NFYC: variants seen among roughly 807,000 people sequenced by gnomAD.
NFYC encodes the protein nuclear transcription factor Y subunit gamma, also known as CAAT box DNA-binding protein subunit C.
In NFYC, 25 loss-of-function variants were observed where a neutral mutation model predicts 53.1. That is an observed-to-expected ratio of 0.47 (90% CI 0.34 to 0.66). The LOEUF (loss-of-function observed/expected upper bound fraction) is 0.66, where lower values mean the gene tolerates loss of function less well. Ranked by LOEUF, NFYC falls within the 30% of genes least tolerant of loss-of-function variation. The probability of loss-of-function intolerance (pLI) is 0.01; values close to 1 mark genes in which losing one functional copy is unlikely to be tolerated. For synonymous variants in NFYC, 145 were observed against 152.6 expected, an observed-to-expected ratio of 0.95 and a Z score of 0.37; for missense variants, 260 against 422.7, an observed-to-expected ratio of 0.62 and a Z score of 3.38.
At chr1:40,703,410 T>G (rs2148425307) in intron 1 of NFYC, among the ~76,000 whole-genome samples, 1 of 145,486 alleles carries the variant, frequency 6.9e-6, no homozygotes, top group Non-Finnish European at 1.5e-5. Flanking sequence ...GAGGATCACT[T>G]GAGCCCAGGA....
chr1:40,766,726 G>C, intron 8 of NFYC, 23 bp downstream of exon 8: 1 of 1,602,338 alleles, frequency 6.2e-7, no homozygotes, highest in East Asian at 2.2e-5. Flanking sequence ...GAGACACAAG[G>C]CCTGTGTTGG....
chr1:40,737,333 C>CT (rs112649877), intron 1 of NFYC, among the ~76,000 whole-genome samples: 82,453 of 142,502 alleles, frequency 0.58, 23,813 homozygotes, highest in Non-Finnish European at 0.62. Context: ...TTTAATTCTA[C>CT]TTTTTTTTTT....
chr1:40,733,449 C>G (rs948548492), intron 1 of NFYC, among the ~76,000 whole-genome samples: 2 of 150,908 alleles, frequency 1.3e-5, no homozygotes, highest in African/African-American at 4.9e-5. Context: ...CACACCATTG[C>G]ACTCCAGCCT....
rs1365675749 is a variant in NFYC at position 40,769,394 on chromosome 1, C to T, written c.867C>T (p.Phe289=). 6.2e-7 allele frequency: 1 copy of T among 1,614,044 alleles called. No individual in the cohort carries two copies. Among genetic ancestry groups the T allele is most frequent in the African/African-American group, 1.3e-5 (1 of 75,042 alleles). ...QTEVQQGQQQ[F]SQFTDGQQLY... Reference sequence around the variant, plus strand: ...AGGTCCAGCAAGGACAGCAGCAGTTCAGCCAGTTCACAGATGGACAGGTAG... The same window carrying T: ...AGGTCCAGCAAGGACAGCAGCAGTTTAGCCAGTTCACAGATGGACAGGTAG... The change falls in exon 9 of 10, where the codon TTC becomes TTT. Residue 289 remains phenylalanine (F), a synonymous_variant. Coordinates refer to ENST00000447388, the MANE Select transcript of NFYC (RefSeq NM_014223.5).
intron 5 of NFYC, among the ~76,000 whole-genome samples, chr1:40,756,870 A>G (rs1051993791): frequency 6.6e-6 from 1 of 152,240 alleles, no homozygotes; most frequent in Non-Finnish European, 1.5e-5. Flanking sequence ...CTTTGCCCTC[A>G]TGGTGCTTAA....
chr1:40,721,479 T>G (rs1644324902), intron 1 of NFYC: 1 of 152,150 alleles, frequency 6.6e-6, no homozygotes, highest in South Asian at 2.1e-4. Context: ...ATAAACAAGA[T>G]TCCTTTCACA....
At chr1:40,717,014 G>T (rs1306592807) in intron 1 of NFYC, among the ~76,000 whole-genome samples, 1 of 152,114 alleles carries the variant, frequency 6.6e-6, no homozygotes, top group Non-Finnish European at 1.5e-5. Context: ...TTTCAGTTCT[G>T]GGTAGCTTTC....
intron 5 of NFYC, among the ~76,000 whole-genome samples, chr1:40,754,136 A>G (rs1646074571): frequency 6.6e-6 from 1 of 152,042 alleles, no homozygotes; most frequent in Admixed American, 6.6e-5. Flanking sequence ...TTTTTAATGA[A>G]TTATTTCATA....
intron 1 of NFYC, among the ~76,000 whole-genome samples, chr1:40,705,493 A>G (rs1255042836): frequency 6.6e-6 from 1 of 152,244 alleles, no homozygotes; most frequent in African/African-American, 2.4e-5. Context: ...GTGTTAACAT[A>G]ACCAAACTCT....
intron 1 of NFYC, among the ~76,000 whole-genome samples, chr1:40,730,315 A>G (rs1440689468): frequency 6.9e-6 from 1 of 145,826 alleles, no homozygotes; most frequent in Non-Finnish European, 1.5e-5. Flanking sequence ...TTCTGGGATT[A>G]CAGGCGTGAG....
chr1:40,731,910 G>T (rs564692963), intron 1 of NFYC, among the ~76,000 whole-genome samples: 1 of 152,332 alleles, frequency 6.6e-6, no homozygotes, highest in East Asian at 1.9e-4. Flanking sequence ...CAGAAATATG[G>T]AATAGGAACT....
intron 4 of NFYC, among the ~76,000 whole-genome samples, chr1:40,750,786 A>G (rs1029605480): frequency 5.9e-5 from 9 of 152,226 alleles, no homozygotes; most frequent in Non-Finnish European, 1.5e-5. Context: ...CAAATGCCCA[A>G]TAAACCCATG....
Position 40,760,914 on chromosome 1 carries a change from T to C in NFYC, c.562-1974T>C, listed in dbSNP as rs938096976. On this transcript the variant is annotated intron_variant, in intron 6 of 9. Coordinates refer to ENST00000447388, the MANE Select transcript of NFYC (RefSeq NM_014223.5). ...TGCCTAAGGGACCTTCTTTGGCTAATGCTTGTGCCTCTGCAGTGGTGAAAA... is the reference window on the plus strand; with the variant it reads ...TGCCTAAGGGACCTTCTTTGGCTAACGCTTGTGCCTCTGCAGTGGTGAAAA... 3.9e-5 allele frequency among the ~76,000 whole-genome samples: 6 copies of C among 152,298 alleles called. No homozygotes were observed. In the East Asian group the frequency reaches 1.2e-3, roughly 29 times the overall value.
intron 1 of NFYC, among the ~76,000 whole-genome samples, chr1:40,720,925 T>A (rs542101224): frequency 6.6e-6 from 1 of 152,210 alleles, no homozygotes; most frequent in Non-Finnish European, 1.5e-5. Flanking sequence ...ATTCAGTAGA[T>A]GTGTATTGAA....
In NFYC at chr1:40,770,522, C is replaced by A. The variant is rs772169433; in HGVS notation, c.889-187C>A. 6.4e-7 allele frequency: 1 copy of A among 1,559,532 alleles called. No individual in the cohort carries two copies. Among genetic ancestry groups the A allele is most frequent in the African/African-American group, 1.4e-5 (1 of 73,282 alleles). ...TGCCCACCACACACCCCCCCTCACA[C>A]CGGGCTGGTGCCTCCTGTGTCTGCT... On this transcript the variant is annotated intron_variant, in intron 9 of 9. Coordinates refer to ENST00000447388, the MANE Select transcript of NFYC (RefSeq NM_014223.5). This position sits in a 1 kb window ranked among gnomAD's most constrained non-coding sequence, Gnocchi z 5.3.
chr1:40,728,935 G>A (rs1183127259), intron 1 of NFYC, among the ~76,000 whole-genome samples: 2 of 152,218 alleles, frequency 1.3e-5, no homozygotes, highest in African/African-American at 4.8e-5. Context: ...ACTGCTCCCA[G>A]CCTCCATCAG....
intron 1 of NFYC, among the ~76,000 whole-genome samples, chr1:40,727,143 C>A (rs1644552521): frequency 6.6e-6 from 1 of 152,212 alleles, no homozygotes; most frequent in Admixed American, 6.5e-5. Context: ...GAATCAACTT[C>A]AGACTCCTGT....
chr1:40,758,361 C>T (rs2148735303), intron 6 of NFYC, 67 bp downstream of exon 6: 1 of 1,484,196 alleles, frequency 6.7e-7, no homozygotes. Context: ...ATGGGCAGAG[C>T]TTGATGAGGG....
At chr1:40,745,791 T>G (rs1645578345) in intron 2 of NFYC, among the ~76,000 whole-genome samples, 1 of 152,122 alleles carries the variant, frequency 6.6e-6, no homozygotes, top group Non-Finnish European at 1.5e-5. Context: ...CCTCCAGTAT[T>G]GGGTAGGGGA....
Sources: gnomAD v4.1 joint callset for allele counts (sites outside exome capture counted in the v4.1 genomes callset) on GRCh38, gnomAD v4.1.1 for gene constraint, Gnocchi (gnomAD v3.1) non-coding constraint, MANE v1.5 for transcripts, NCBI Gene and HGNC (gene_info 2026-07-23, HGNC 2026-07-21) for gene names.